The following LMO2 variants were observed in gnomAD, a reference collection of about 807,000 sequenced individuals.
LMO2 encodes the protein rhombotin-2.
A neutral mutation model predicts 23.2 loss-of-function variants in LMO2; 20 were observed. That is an observed-to-expected ratio of 0.86 (90% CI 0.61 to 1.25). The LOEUF is 1.25. Ranked by LOEUF, LMO2 falls within the 50% of genes most tolerant of loss-of-function variation. The pLI, the probability that LMO2 is intolerant of heterozygous loss-of-function variation, is 0.00. For missense variants in LMO2, 270 were observed against 315.3 expected (o/e 0.86, Z 1.09); for synonymous variants, 123 against 130.2 (o/e 0.94, Z 0.38).
rs1421834166 is a variant in LMO2, at chr11:33,864,707, T to A, written c.359A>T (p.His120Leu). 2 of 1,614,102 alleles carry A rather than the reference T, an allele frequency of 1.2e-6. No individual in the cohort carries two copies. Among genetic ancestry groups the A allele is most frequent in the South Asian group, 2.2e-5 (2 of 91,082 alleles). ...GAGGTCGCAGCTCAGGCAGTCCTCGTGCCAGTACTGGTCGATGGCCTTCAG... is the reference window on the plus strand; with the variant it reads ...GAGGTCGCAGCTCAGGCAGTCCTCGAGCCAGTACTGGTCGATGGCCTTCAG... ...YFLKAIDQYW[H>L]EDCLSCDLCG... Residue 120 changes from histidine (H) to leucine (L), a missense_variant, in exon 5 of 6, where the codon CAC becomes CTC. By Grantham distance (99) the His-to-Leu change is moderately conservative (BLOSUM62 -3). Coordinates refer to ENST00000257818, the MANE Select transcript of LMO2 (RefSeq NM_005574.4). This position sits in a 1 kb window ranked among gnomAD's most constrained non-coding sequence, Gnocchi z 4.8.
chr11:33,879,697 T>G (rs931640292), intron 2 of LMO2, among the ~76,000 whole-genome samples: 43 of 151,722 alleles, frequency 2.8e-4, no homozygotes, highest in African/African-American at 9.9e-4. Flanking sequence ...GGCAAAGAAC[T>G]TGAATCTCCA....
intron 5 of LMO2, among the ~76,000 whole-genome samples, chr11:33,861,921 A>G (rs532729261): frequency 6.6e-6 from 1 of 152,292 alleles, no homozygotes; most frequent in African/African-American, 2.4e-5. Context: ...AAGCAAGGGA[A>G]CTGAAAAAGA....
At chr11:33,866,709 A>T (rs1226061920) in intron 4 of LMO2, among the ~76,000 whole-genome samples, 1 of 152,170 alleles carries the variant, frequency 6.6e-6, no homozygotes, top group Non-Finnish European at 1.5e-5. Flanking sequence ...GCAATGGCAC[A>T]ATCTCGGCTC....
chr11:33,865,466 AC>A (rs1348981006), intron 4 of LMO2, among the ~76,000 whole-genome samples: 1 of 152,258 alleles, frequency 6.6e-6, no homozygotes, highest in Admixed American at 6.5e-5. Context: ...TTACTTTTTT[AC>A]AGAAATTCCA....
intron 2 of LMO2, among the ~76,000 whole-genome samples, chr11:33,871,772 G>C (rs1857029350): frequency 6.6e-6 from 1 of 152,226 alleles, no homozygotes; most frequent in South Asian, 2.1e-4. Flanking sequence ...ACCAGTCAAT[G>C]TGGTGGTTAA....
At chr11:33,878,321 C>T (rs989704294) in intron 2 of LMO2, among the ~76,000 whole-genome samples, 1 of 152,186 alleles carries the variant, frequency 6.6e-6, no homozygotes, top group African/African-American at 2.4e-5. Flanking sequence ...TCTTTTCTCT[C>T]TATCGGGGAT....
intron 2 of LMO2, among the ~76,000 whole-genome samples, chr11:33,873,366 C>T (rs1339772913): frequency 6.6e-6 from 1 of 152,192 alleles, no homozygotes; most frequent in Non-Finnish European, 1.5e-5. Context: ...TTCAATTTCA[C>T]ACACAGTGGT....
chr11:33,879,711 C>A (rs1050159298), intron 2 of LMO2, among the ~76,000 whole-genome samples: 1 of 152,106 alleles, frequency 6.6e-6, no homozygotes, highest in Non-Finnish European at 1.5e-5. Context: ...ATCTCCATTT[C>A]TCCAAAAAAG....
intron 2 of LMO2, among the ~76,000 whole-genome samples, chr11:33,875,331 A>G (rs1289858790): frequency 6.6e-6 from 1 of 152,056 alleles, no homozygotes; most frequent in Non-Finnish European, 1.5e-5. Flanking sequence ...TAATCCTGAC[A>G]CTTTCGGAGG....
chr11:33,872,448 T>C (rs990143483), intron 2 of LMO2, among the ~76,000 whole-genome samples: 2 of 152,220 alleles, frequency 1.3e-5, no homozygotes, highest in Admixed American at 6.5e-5. Flanking sequence ...ATAACAGATA[T>C]GAAGTTGCTT....
rs139018864 is a variant in LMO2, at chr11:33,861,147, C to T, written c.465-1572G>A. 3.6e-3 allele frequency among the ~76,000 whole-genome samples: 542 copies of T among 152,354 alleles called. 1 individual carries two copies. Among genetic ancestry groups the T allele is most frequent in the African/African-American group, 0.012 (513 of 41,584 alleles). On this transcript the variant is annotated intron_variant, in intron 5 of 5. Coordinates refer to ENST00000257818, the MANE Select transcript of LMO2 (RefSeq NM_005574.4). Reference sequence around the variant, plus strand: ...AGCCAACGCTGGTTATGTTTTAACACATCTTGGGTGTATTCCCAGCTGTGC... The same window carrying T: ...AGCCAACGCTGGTTATGTTTTAACATATCTTGGGTGTATTCCCAGCTGTGC...
At chr11:33,884,776 A>G (rs958424215) in intron 1 of LMO2, among the ~76,000 whole-genome samples, 9 of 152,222 alleles carry the variant, frequency 5.9e-5, no homozygotes, top group African/African-American at 2.2e-4. Flanking sequence ...CACGTCCAGC[A>G]GGATACACTA....
At chr11:33,884,342 A>T (rs1474779400) in intron 1 of LMO2, among the ~76,000 whole-genome samples, 1 of 151,906 alleles carries the variant, frequency 6.6e-6, no homozygotes, top group Non-Finnish European at 1.5e-5. Flanking sequence ...AATCAAAAAG[A>T]GTAAGGGTGA....
Position 33,880,986 on chromosome 11 carries a change from T to G in LMO2, c.-272+838A>C. Reference sequence around the variant, plus strand: ...TGACTCCAAGGACAGAAAAAAAGAGTGCAGGTTGTTATTATGCAAAGCCAC... The same window carrying G: ...TGACTCCAAGGACAGAAAAAAAGAGGGCAGGTTGTTATTATGCAAAGCCAC... On this transcript the variant is annotated intron_variant, in intron 2 of 5. Transcript: ENST00000257818. The surrounding 1 kb of genome is among the most constrained non-coding windows in gnomAD (Gnocchi z 4.3). 1 of 348,938 alleles carries G rather than the reference T, an allele frequency of 2.9e-6. No individual in the cohort carries two copies. The allele number at this position is 348,938 out of a possible 1,614,324, so 21.6% of individuals were successfully genotyped here. A position where few individuals can be genotyped will look rare whatever the true frequency, so the allele number is the denominator to read the frequency against.
intron 2 of LMO2, among the ~76,000 whole-genome samples, chr11:33,877,121 CG>C (rs1197012165): frequency 6.6e-6 from 1 of 152,196 alleles, no homozygotes; most frequent in Non-Finnish European, 1.5e-5. Flanking sequence ...GCCTGGGGAA[CG>C]GAGTGTCTTG....
intron 2 of LMO2, chr11:33,871,127 A>G (rs1306460922): frequency 1.1e-6 from 1 of 898,712 alleles, no homozygotes; most frequent in Non-Finnish European, 1.3e-6. Context: ...AGAGTTTACT[A>G]CTGCCTGCAT....
chr11:33,865,755 C>T (rs1274471219), intron 4 of LMO2, among the ~76,000 whole-genome samples: 1 of 152,234 alleles, frequency 6.6e-6, no homozygotes, highest in Non-Finnish European at 1.5e-5. Flanking sequence ...CCATGCATAG[C>T]ATCTCCTGTT....
intron 2 of LMO2, among the ~76,000 whole-genome samples, chr11:33,873,374 G>C (rs368606137): frequency 1.6e-4 from 24 of 152,270 alleles, no homozygotes; most frequent in Non-Finnish European, 3.2e-4. Context: ...CACACACAGT[G>C]GTTGTAAGAA....
chr11:33,875,213 C>T (rs1056511727), intron 2 of LMO2, among the ~76,000 whole-genome samples: 7 of 152,180 alleles, frequency 4.6e-5, no homozygotes, highest in Non-Finnish European at 1.0e-4. Flanking sequence ...AGATCAGGTG[C>T]TTGGAGAGGA....
Sources: allele counts gnomAD v4.1 joint callset (sites outside exome capture counted in the v4.1 genomes callset), GRCh38; gene constraint gnomAD v4.1.1; non-coding constraint Gnocchi (gnomAD v3.1); transcripts MANE v1.5; gene names NCBI Gene and HGNC (gene_info 2026-07-23, HGNC 2026-07-21).